Variants in ULBP1 observed in about 807,000 individuals in gnomAD.
ULBP1 encodes the protein UL16 binding protein 1.
A neutral mutation model predicts 25.3 loss-of-function variants in ULBP1; 28 were observed. That is an observed-to-expected ratio of 1.10 (90% CI 0.82 to 1.51). The LOEUF (loss-of-function observed/expected upper bound fraction) is 1.51, where lower values mean the gene tolerates loss of function less well. Ranked by LOEUF, ULBP1 falls within the 40% of genes most tolerant of loss-of-function variation. The pLI is 0.00. For missense variants in ULBP1, 348 were observed against 290.9 expected (o/e 1.20, Z -1.43); for synonymous variants, 129 against 103.0 (o/e 1.25, Z -1.53).
At chr6:149,969,399 C>T (rs1469042781) in intron 3 of ULBP1, 39 bp downstream of exon 3, 5 of 1,597,552 alleles carry the variant, frequency 3.1e-6, no homozygotes, top group Non-Finnish European at 3.4e-6. Flanking sequence ...GTCTCGAGTT[C>T]AGATCTTATC....
chr6:149,968,517 G>T (rs1205868690), intron 1 of ULBP1, 90 bp from the exon 2 acceptor site: 4 of 1,507,160 alleles, frequency 2.7e-6, no homozygotes, highest in East Asian at 2.3e-5. Context: ...CCCCTCAGAG[G>T]CCTTCACTTG....
At chr6:149,967,415 G>A (rs1377757452) in intron 1 of ULBP1, among the ~76,000 whole-genome samples, 1 of 152,100 alleles carries the variant, frequency 6.6e-6, no homozygotes, top group Admixed American at 6.5e-5. Context: ...AGCCCACCAG[G>A]GCCTCTGGGC....
chr6:149,968,875 G>A lies in ULBP1; in HGVS notation c.349+5G>A, dbSNP rs1313845017. 6.2e-7 allele frequency: 1 copy of A among 1,612,436 alleles called. No individual in the cohort carries two copies. The highest frequency in any genetic ancestry group is 8.5e-7 in the Non-Finnish European group (1 of 1,179,030). On this transcript the variant is annotated splice_donor_5th_base_variant and intron_variant, in intron 2 of 4. Transcript: ENST00000229708. ...TGGAGAATTTAATACCCATTGGTAAGTTTAAAATGGCCCAGGGAGCAGACA... is the reference window on the plus strand; with the variant it reads ...TGGAGAATTTAATACCCATTGGTAAATTTAAAATGGCCCAGGGAGCAGACA...
Position 149,971,179 on chromosome 6 carries a change from G to T in ULBP1, c.*23-190G>T, listed in dbSNP as rs532101529. ...CTGGGCTGTAACAGGACCTGGGCTG[G>T]CTCTGTGGTGTGGTGAAGGAGGGTG... On this transcript the variant is annotated intron_variant, in intron 4 of 4. Coordinates refer to ENST00000229708, the MANE Select transcript of ULBP1 (RefSeq NM_025218.4). 6.6e-5 allele frequency among the ~76,000 whole-genome samples: 10 copies of T among 152,306 alleles called. No homozygotes were observed. In the East Asian group the frequency reaches 1.5e-3, roughly 24 times the overall value.
intron 1 of ULBP1, among the ~76,000 whole-genome samples, chr6:149,968,250 T>C (rs1779238468): frequency 6.6e-6 from 1 of 152,204 alleles, no homozygotes; most frequent in African/African-American, 2.4e-5. Flanking sequence ...TCCCACCTCC[T>C]GCAGTCCACA....
At chr6:149,970,959 G>A (rs1779305178) in intron 4 of ULBP1, among the ~76,000 whole-genome samples, 1 of 152,234 alleles carries the variant, frequency 6.6e-6, no homozygotes, top group Non-Finnish European at 1.5e-5. Context: ...CAGCTCCCAG[G>A]GTGAGGAAAG....
chr6:149,966,841 C>T (rs1459608525), intron 1 of ULBP1, among the ~76,000 whole-genome samples: 2 of 152,176 alleles, frequency 1.3e-5, no homozygotes, highest in African/African-American at 4.8e-5. Context: ...AGCCTTGCTT[C>T]TGAGCACTAG....
rs754671137 is a variant in ULBP1, at chr6:149,968,868, T to C, written c.347T>C (p.Ile116Thr). 18 of 1,613,360 alleles carry C rather than the reference T, an allele frequency of 1.1e-5. No individual in the cohort carries two copies. The East Asian group carries it at 3.3e-4, about 30-fold the overall frequency. Residue 116 changes from isoleucine to threonine, a missense_variant and splice_region_variant, in exon 2 of 5, where the codon ATT becomes ACT. Ile to Thr is a moderately conservative substitution (Grantham distance 89). Coordinates refer to ENST00000229708, the MANE Select transcript of ULBP1 (RefSeq NM_025218.4). Reference protein sequence around the residue: ...LDIQVENLIPIEPLTLQARMS... With the variant: ...LDIQVENLIPTEPLTLQARMS... Reference sequence around the variant, plus strand: ...ATTCAAGTGGAGAATTTAATACCCATTGGTAAGTTTAAAATGGCCCAGGGA... The same window carrying C: ...ATTCAAGTGGAGAATTTAATACCCACTGGTAAGTTTAAAATGGCCCAGGGA...
intron 1 of ULBP1, among the ~76,000 whole-genome samples, chr6:149,964,938 G>A (rs1171458478): frequency 2.0e-5 from 2 of 101,640 alleles, no homozygotes; most frequent in Admixed American, 1.1e-4. Context: ...GAAACATTGC[G>A]ATCTCCCCGA....
intron 1 of ULBP1, 97 bp downstream of exon 1, chr6:149,964,231 C>G: frequency 7.4e-7 from 1 of 1,359,288 alleles, no homozygotes; most frequent in South Asian, 1.2e-5. Flanking sequence ...CTGGAAGGAC[C>G]GGCGCGATCT....
chr6:149,969,430 TGC>T (rs1317111283), intron 3 of ULBP1, 70 bp downstream of exon 3: 5 of 1,568,302 alleles, frequency 3.2e-6, no homozygotes, highest in Admixed American at 1.7e-5. Context: ...TGTGTGTGAG[TGC>T]GTGTGTGTGT....
chr6:149,966,516 T>G (rs1375012295), intron 1 of ULBP1, among the ~76,000 whole-genome samples: 2 of 151,910 alleles, frequency 1.3e-5, no homozygotes, highest in Non-Finnish European at 2.9e-5. Flanking sequence ...GGGACCCTCC[T>G]TAAAGCCTCA....
intron 1 of ULBP1, among the ~76,000 whole-genome samples, chr6:149,965,736 C>T (rs916250085): frequency 6.6e-6 from 1 of 152,138 alleles, no homozygotes; most frequent in African/African-American, 2.4e-5. Flanking sequence ...CTCACCTGCA[C>T]GCAGGGGCTC....
At chr6:149,964,839 G>T (rs1428190857) in intron 1 of ULBP1, among the ~76,000 whole-genome samples, 1 of 63,532 alleles carries the variant, frequency 1.6e-5, no homozygotes, top group African/African-American at 6.7e-5. Context: ...CCGTCCCCCC[G>T]AGTAACGCGG....
At chr6:149,964,226 A>C in intron 1 of ULBP1, 92 bp downstream of exon 1, 1 of 1,425,468 alleles carries the variant, frequency 7.0e-7, no homozygotes, top group Non-Finnish European at 9.7e-7. Flanking sequence ...GGCTTCTGGA[A>C]GGACCGGCGC....
rs1222386006 is a variant in ULBP1 at position 149,973,220 on chromosome 6, T to G, written c.*1874T>G. The G allele has an allele frequency of 3.9e-5, 6 of 152,188 alleles. No individual in the cohort carries two copies. 9.4% of individuals were successfully genotyped at this position (152,188 alleles called of 1,614,324 possible). ...GAGGCTATTATCCTAAGCAACCTAA[T>G]GCAAGAACAGAAAACCACATACTGC... is the stretch of plus-strand genomic sequence containing the variant. On this transcript the variant is annotated 3_prime_UTR_variant, in exon 5 of 5. Coordinates refer to ENST00000229708, the MANE Select transcript of ULBP1 (RefSeq NM_025218.4).
At chr6:149,964,838 C>T (rs1480525846) in intron 1 of ULBP1, among the ~76,000 whole-genome samples, 12 of 141,294 alleles carry the variant, frequency 8.5e-5, no homozygotes, top group African/African-American at 3.2e-4. Flanking sequence ...GCCGTCCCCC[C>T]GAGTAACGCG....
chr6:149,968,816 G>A lies in ULBP1; in HGVS notation c.295G>A (p.Asp99Asn). 6.2e-7 allele frequency: 1 copy of A among 1,614,224 alleles called. No individual in the cohort carries two copies. The highest frequency in any genetic ancestry group is 8.5e-7 in the Non-Finnish European group (1 of 1,180,040). ...AACTGAAACACTAAGAGACGTGGTG[G>A]ATTTCCTTAAAGGGCAACTGCTTGA... ...EQTETLRDVV[D>N]FLKGQLLDIQ... The change falls in exon 2 of 5, where the codon GAT becomes AAT. Residue 99 changes from aspartate (D) to asparagine (N), a missense_variant. Transcript: ENST00000229708.
At chr6:149,967,157 C>G (rs1299759841) in intron 1 of ULBP1, among the ~76,000 whole-genome samples, 1 of 152,198 alleles carries the variant, frequency 6.6e-6, no homozygotes, top group Non-Finnish European at 1.5e-5. Context: ...GTCTATGAAC[C>G]CAGCCCATCC....
Sources: allele counts gnomAD v4.1 joint callset (sites outside exome capture counted in the v4.1 genomes callset), GRCh38; gene constraint gnomAD v4.1.1; transcripts MANE v1.5; gene names NCBI Gene and HGNC (gene_info 2026-07-23, HGNC 2026-07-21).